Variants in PMM2 observed in about 807,000 individuals in gnomAD.
The protein encoded by PMM2 is phosphomannomutase 2, also known as mannose-6-phosphate isomerase.
In PMM2, 35 loss-of-function variants were observed where a neutral mutation model predicts 33.2. The observed-to-expected ratio is 1.06, with a 90% CI of 0.81 to 1.40. PMM2 has a LOEUF of 1.40. Among genes scored for constraint, PMM2 ranks in the 40% most tolerant of loss-of-function variants. PMM2 has a pLI of 0.00. For missense variants in PMM2, 386 were observed against 306.0 expected, an observed-to-expected ratio of 1.26 and a Z score of -1.95; for synonymous variants, 153 against 114.7, an observed-to-expected ratio of 1.33 and a Z score of -2.13.
intron 7 of PMM2, among the ~76,000 whole-genome samples, chr16:8,825,402 T>C (rs2060761208): frequency 2.0e-5 from 3 of 152,016 alleles, no homozygotes; most frequent in Admixed American, 2.0e-4. Context: ...CTCGGCTCAC[T>C]GCACCCTCCG....
At chr16:8,837,641 G>A (rs1259824283) in intron 7 of PMM2, among the ~76,000 whole-genome samples, 1 of 151,844 alleles carries the variant, frequency 6.6e-6, no homozygotes, top group African/African-American at 2.4e-5. Context: ...GGGGCGCAGA[G>A]ATACATGGGG....
At chr16:8,826,587 A>T (rs1214432133) in intron 7 of PMM2, among the ~76,000 whole-genome samples, 1 of 152,162 alleles carries the variant, frequency 6.6e-6, no homozygotes, top group Non-Finnish European at 1.5e-5. Flanking sequence ...TTTCATCAAT[A>T]ATCTTTAAAA....
intron 7 of PMM2, among the ~76,000 whole-genome samples, chr16:8,834,791 C>T (rs1233162466): frequency 3.9e-5 from 6 of 152,004 alleles, no homozygotes; most frequent in South Asian, 2.1e-4. Context: ...ATAAATCAAG[C>T]GTGATCAGGG....
intron 7 of PMM2, among the ~76,000 whole-genome samples, chr16:8,829,559 A>T (rs2060798152): frequency 6.6e-6 from 1 of 152,224 alleles, no homozygotes; most frequent in Non-Finnish European, 1.5e-5. Context: ...AGTGCCCAGC[A>T]TCAACTTGGC....
At chr16:8,800,972 C>T (rs896574607) in intron 1 of PMM2, among the ~76,000 whole-genome samples, 7 of 152,214 alleles carry the variant, frequency 4.6e-5, no homozygotes, top group Non-Finnish European at 1.0e-4. Flanking sequence ...CATGAGCCTC[C>T]ATGTCTGGCC....
rs148507269 is a variant in PMM2, at chr16:8,813,857, C to CTTTTTT, written c.639+771_639+776dup. ...CTTTGGGCCAGCTCCTTTTCTTTCT[C>CTTTTTT]TTTTTTTTTTTTTTTTTTTTTTTTT... On this transcript the variant is annotated intron_variant, in intron 7 of 7. Transcript: ENST00000268261. Among the ~76,000 whole-genome samples, 88 of 89,130 alleles carry CTTTTTT rather than the reference C, an allele frequency of 9.9e-4. 2 individuals are homozygous for CTTTTTT. The highest frequency in any genetic ancestry group is 6.8e-3 in the Middle Eastern group (1 of 148). The allele number at this position is 89,130 out of a possible 152,430, so 58.5% of individuals were successfully genotyped here. A position where few individuals can be genotyped will look rare whatever the true frequency, so the allele number is the denominator to read the frequency against.
intron 4 of PMM2, chr16:8,810,421 T>G (rs2060671044): frequency 6.6e-6 from 1 of 152,372 alleles, no homozygotes; most frequent in Non-Finnish European, 1.5e-5. Context: ...ACCACAAAAT[T>G]ATCTGCCCAG....
intron 7 of PMM2, among the ~76,000 whole-genome samples, chr16:8,838,369 C>T (rs1278573058): frequency 1.2e-4 from 18 of 151,970 alleles, no homozygotes; most frequent in South Asian, 1.0e-3. Flanking sequence ...ATAGGGGATG[C>T]GATGGCTTGG....
chr16:8,838,539 G>A (rs2060867670), intron 7 of PMM2, among the ~76,000 whole-genome samples: 1 of 151,972 alleles, frequency 6.6e-6, no homozygotes, highest in Non-Finnish European at 1.5e-5. Flanking sequence ...GGCGGCGTGG[G>A]AACCTAGAGT....
At chr16:8,806,912 C>G (rs1481572206) in intron 4 of PMM2, 1 of 163,680 alleles carries the variant, frequency 6.1e-6, no homozygotes, top group African/African-American at 2.4e-5. Flanking sequence ...CACGTAAAAC[C>G]CAAATCTGGT....
intron 4 of PMM2, chr16:8,810,160 A>G (rs2141022319): frequency 6.6e-6 from 1 of 152,344 alleles, no homozygotes; most frequent in African/African-American, 2.4e-5. Flanking sequence ...AACTAATGTT[A>G]GCTTCTCATT....
At chr16:8,847,216 T>G (rs1049596378) in intron 7 of PMM2, among the ~76,000 whole-genome samples, 1 of 152,112 alleles carries the variant, frequency 6.6e-6, no homozygotes, top group Non-Finnish European at 1.5e-5. Flanking sequence ...TCCATTGCAT[T>G]GGCCACGTTT....
At chr16:8,802,480 G>A in intron 2 of PMM2, 1 of 341,222 alleles carries the variant, frequency 2.9e-6, no homozygotes, top group Admixed American at 4.0e-5. Context: ...TTTTTGAAGA[G>A]CAGGAGTATG....
rs145496357 is a variant in PMM2, at chr16:8,804,745, G to GT, written c.179-15dup. The GT allele has an allele frequency of 6.3e-3, 9,782 of 1,563,414 alleles. 532 individuals are homozygous for GT. In the African/African-American group the frequency reaches 0.11, roughly 18 times the overall value. On this transcript the variant is annotated intron_variant, in intron 2 of 7. Coordinates refer to ENST00000268261, the MANE Select transcript of PMM2 (RefSeq NM_000303.3). ...GGTTTTGATTCTTTGCATTCTAAGT[G>GT]TTTTTTTGGTTTTGATTGTAGTGGT...
intron 7 of PMM2, among the ~76,000 whole-genome samples, chr16:8,838,501 T>C (rs2060867419): frequency 6.6e-6 from 1 of 151,924 alleles, no homozygotes. Context: ...GGGCGATGTT[T>C]CTCAGGGCTG....
chr16:8,845,984 T>C (rs2141049951), intron 7 of PMM2, among the ~76,000 whole-genome samples: 1 of 152,172 alleles, frequency 6.6e-6, no homozygotes, highest in South Asian at 2.1e-4. Flanking sequence ...TGATTTCACA[T>C]GTGTAGGTAG....
chr16:8,813,081 AT>A lies in PMM2; in HGVS notation c.617del (p.Phe206SerfsTer26), dbSNP rs1555449810. 1 of 1,607,054 alleles carries A rather than the reference AT, an allele frequency of 6.2e-7. No homozygotes were observed. The highest frequency in any genetic ancestry group is 8.5e-7 in the Non-Finnish European group (1 of 1,173,502). On this transcript the variant is annotated frameshift_variant, in exon 7 of 8. Coordinates refer to ENST00000268261, the MANE Select transcript of PMM2 (RefSeq NM_000303.3). LOFTEE classifies it high-confidence loss of function. Reference sequence around the variant, plus strand: ...GAAAATGACGGTTATAAGACCATTTATTTCTTTGGAGACAAAACTATGCCAG... The same window carrying A: ...GAAAATGACGGTTATAAGACCATTTATTCTTTGGAGACAAAACTATGCCAG... ...HVENDGYKTI[Y>X]FFGDKTMPGG...
Position 8,811,069 on chromosome 16 carries a change from T to C in PMM2, c.348-10T>C. ...TTTTTGGAGAAACTCTGTCACCCTT[T>C]CATTCCCAGGGGTACTTTCATTGAA... On this transcript the variant is annotated splice_polypyrimidine_tract_variant and intron_variant, in intron 4 of 7. Transcript: ENST00000268261. 6.6e-7 allele frequency: 1 copy of C among 1,509,778 alleles called. No individual in the cohort carries two copies. Among genetic ancestry groups the C allele is most frequent in the Non-Finnish European group, 9.1e-7 (1 of 1,104,660 alleles). 93.5% of individuals were successfully genotyped at this position (1,509,778 alleles called of 1,614,324 possible).
At chr16:8,827,884 TATATG>T (rs1285436266) in intron 7 of PMM2, among the ~76,000 whole-genome samples, 3 of 52,908 alleles carry the variant, frequency 5.7e-5, no homozygotes, top group African/African-American at 2.0e-4. Context: ...TGTTATATAA[TATATG>T]ATATATATGA....
Sources: allele counts gnomAD v4.1 joint callset (sites outside exome capture counted in the v4.1 genomes callset), GRCh38; gene constraint gnomAD v4.1.1; transcripts MANE v1.5; gene names NCBI Gene and HGNC (gene_info 2026-07-23, HGNC 2026-07-21).